Variants in RASGEF1A observed in about 807,000 individuals in gnomAD.
RASGEF1A encodes the protein RasGEF domain family member 1A, also known as ras-GEF domain-containing family member 1A.
Under a neutral mutation model 56.4 loss-of-function variants are expected in RASGEF1A, and 18 were observed. The ratio of observed to expected loss-of-function variants is 0.32; its 90% confidence interval spans 0.22 to 0.47. RASGEF1A has a LOEUF of 0.47. Ranked by LOEUF, RASGEF1A falls within the 20% of genes least tolerant of loss-of-function variation. RASGEF1A has a pLI of 1.00. For missense variants in RASGEF1A, 422 were observed against 627.1 expected (o/e 0.67, Z 3.49); for synonymous variants, 245 against 242.6 (o/e 1.01, Z -0.09).
At chr10:43,251,717 C>T (rs951212534) in intron 1 of RASGEF1A, among the ~76,000 whole-genome samples, 18 of 152,270 alleles carry the variant, frequency 1.2e-4, no homozygotes, top group African/African-American at 3.9e-4. Context: ...CCTGTCCAGA[C>T]GGTTGGGAAT....
chr10:43,199,147 A>G lies in RASGEF1A; in HGVS notation c.897T>C (p.Asp299=), dbSNP rs1839850822. The part of the protein sequence containing the change: ...HRTRMLEFFI[D]VARECFNIGN... ...CGATGTTGAAGCACTCCCGGGCCACATCAATGAAGAACTCCAACATGCGGG... is the reference window on the plus strand; with the variant it reads ...CGATGTTGAAGCACTCCCGGGCCACGTCAATGAAGAACTCCAACATGCGGG... The change falls in exon 8 of 13, where the codon GAT becomes GAC. Residue 299 remains aspartate, a synonymous_variant. Coordinates refer to ENST00000395810, the MANE Select transcript of RASGEF1A (RefSeq NM_145313.4). The G allele has an allele frequency of 1.2e-6, 2 of 1,613,738 alleles. No individual in the cohort carries two copies. Among genetic ancestry groups the G allele is most frequent in the Non-Finnish European group, 1.7e-6 (2 of 1,180,008 alleles).
At chr10:43,204,453 C>T (rs1839964094) in intron 2 of RASGEF1A, among the ~76,000 whole-genome samples, 1 of 152,192 alleles carries the variant, frequency 6.6e-6, no homozygotes. Flanking sequence ...TGCAGCATGG[C>T]GAATTGAGGG....
rs145709678 is a variant in RASGEF1A, at chr10:43,215,425, G to A, written c.-6-9303C>T. On this transcript the variant is annotated intron_variant, in intron 1 of 12. Transcript: ENST00000395810. ...CATCTCGCCTGTCTCCCCTCTCTTGGCTGGCAGGGAGAGCGTGCTCCTGGA... is the reference window on the plus strand; with the variant it reads ...CATCTCGCCTGTCTCCCCTCTCTTGACTGGCAGGGAGAGCGTGCTCCTGGA... Among the ~76,000 whole-genome samples, 1,406 of 152,328 alleles carry A rather than the reference G, an allele frequency of 9.2e-3. 10 individuals carry two copies. The highest frequency in any genetic ancestry group is 0.015 in the Non-Finnish European group (1,007 of 68,024).
chr10:43,207,622 C>T, intron 1 of RASGEF1A: 1 of 985,600 alleles, frequency 1.0e-6, no homozygotes. Flanking sequence ...CCCCCAGGCT[C>T]AGTGCTGCCC....
Position 43,209,692 on chromosome 10 carries a change from C to A in RASGEF1A, c.-6-3570G>T, listed in dbSNP as rs536026994. Among the ~76,000 whole-genome samples the A allele has an allele frequency of 2.1e-3, 318 of 151,942 alleles. 6 individuals carry two copies. The highest frequency in any genetic ancestry group is 1.7e-3 in the East Asian group (9 of 5,156). ...TGGAGAGCTCAGGAAGCCCCCCCACCAGGGCTAGGCAGAGATAGGGCTGTG... is the reference window on the plus strand; with the variant it reads ...TGGAGAGCTCAGGAAGCCCCCCCACAAGGGCTAGGCAGAGATAGGGCTGTG... On this transcript the variant is annotated intron_variant, in intron 1 of 12. Transcript: ENST00000395810.
intron 1 of RASGEF1A, among the ~76,000 whole-genome samples, chr10:43,256,027 G>GC (rs1285296033): frequency 1.1e-4 from 17 of 152,162 alleles, no homozygotes; most frequent in Admixed American, 1.1e-3. Context: ...GCTCTCTCCT[G>GC]CCCCCTAGAG....
chr10:43,238,863 A>G (rs1840469804), intron 1 of RASGEF1A, among the ~76,000 whole-genome samples: 1 of 152,224 alleles, frequency 6.6e-6, no homozygotes, highest in Admixed American at 6.5e-5. Flanking sequence ...CCTGATATCA[A>G]ATGGAAATGA....
At chr10:43,239,515 A>G (rs955031591) in intron 1 of RASGEF1A, among the ~76,000 whole-genome samples, 1 of 152,236 alleles carries the variant, frequency 6.6e-6, no homozygotes, top group African/African-American at 2.4e-5. Context: ...CAGAAATCTT[A>G]GGAGGATTTA....
At chr10:43,218,094 C>T (rs563859556) in intron 1 of RASGEF1A, among the ~76,000 whole-genome samples, 3 of 152,340 alleles carry the variant, frequency 2.0e-5, no homozygotes, top group African/African-American at 4.8e-5. Context: ...CCCAGGCGAC[C>T]GTGAGCACTA....
chr10:43,225,609 ATC>A (rs1232412306), intron 1 of RASGEF1A, among the ~76,000 whole-genome samples: 1 of 149,174 alleles, frequency 6.7e-6, no homozygotes, highest in African/African-American at 2.5e-5. Flanking sequence ...GTGTCCACGG[ATC>A]TCTCAGCTCT....
intron 1 of RASGEF1A, among the ~76,000 whole-genome samples, chr10:43,223,030 T>G (rs942835662): frequency 1.3e-5 from 2 of 151,714 alleles, no homozygotes; most frequent in African/African-American, 4.8e-5. Flanking sequence ...CTATTAGAGG[T>G]AAACTCCCAA....
intron 1 of RASGEF1A, among the ~76,000 whole-genome samples, chr10:43,241,827 G>T (rs1840505088): frequency 6.6e-6 from 1 of 152,070 alleles, no homozygotes; most frequent in African/African-American, 2.4e-5. Flanking sequence ...TTAGAGAGAA[G>T]AACACAAATA....
chr10:43,205,434 TGACAGGGCAGGGCAGGCCG>T (rs1319194700), intron 2 of RASGEF1A, among the ~76,000 whole-genome samples: 3 of 152,152 alleles, frequency 2.0e-5, no homozygotes, highest in Non-Finnish European at 4.4e-5. Flanking sequence ...AGTGCTCTGC[TGACAGGGCAGGGCAGGCCG>T]GGCCATCTCC....
intron 1 of RASGEF1A, among the ~76,000 whole-genome samples, chr10:43,212,683 C>T (rs1260610643): frequency 6.6e-6 from 1 of 152,258 alleles, no homozygotes; most frequent in African/African-American, 2.4e-5. Context: ...GTGAACACTG[C>T]TCCTGGGGCT....
Position 43,200,186 on chromosome 10 carries a change from T to C in RASGEF1A, c.752A>G (p.His251Arg). The C allele has an allele frequency of 6.3e-7, 1 of 1,599,114 alleles. No individual in the cohort carries two copies. The highest frequency in any genetic ancestry group is 8.5e-7 in the Non-Finnish European group (1 of 1,171,840). ...CACAGGCCTTGGCCCACTTACCCTG[T>C]GGTTGTCCAAGGAGTCCATGTGGCT... ...IVSHMDSLDN[H>R]RCRGDLTKTY... The change falls in exon 6 of 13, where the codon CAC (histidine) becomes CGC (arginine). Residue 251 changes from histidine (H) to arginine (R), a missense_variant. Around this residue, in one of 2 missense-constraint regions of RASGEF1A, gnomAD observed 273 missense variants for 339.9 expected, o/e 0.80. Transcript: ENST00000395810.
At chr10:43,244,645 A>G (rs1840550284) in intron 1 of RASGEF1A, among the ~76,000 whole-genome samples, 1 of 138,956 alleles carries the variant, frequency 7.2e-6, no homozygotes, top group South Asian at 2.5e-4. Flanking sequence ...GGCAAAAACA[A>G]TCTGGGAAAT....
intron 5 of RASGEF1A, 46 bp from the exon 6 acceptor site, chr10:43,200,302 G>C (rs2133180702): frequency 6.6e-7 from 1 of 1,514,420 alleles, no homozygotes; most frequent in East Asian, 2.4e-5. Flanking sequence ...TTCCCCTGGA[G>C]AAGGGACAGC....
intron 2 of RASGEF1A, 85 bp downstream of exon 2, chr10:43,205,834 T>C: frequency 8.7e-7 from 1 of 1,150,186 alleles, no homozygotes; most frequent in South Asian, 1.4e-5. Flanking sequence ...TCTACCACTC[T>C]GTGGGGGCCT....
chr10:43,239,071 C>T lies in RASGEF1A; in HGVS notation c.-7+27774G>A, dbSNP rs115846747. The stretch of plus-strand genomic sequence containing the variant: ...CTTTACTTGCCCCAGACACCTGCAG[C>T]TCCCTGGAGAGAGCCCCTCAGCTCC... On this transcript the variant is annotated intron_variant, in intron 1 of 12. Transcript: ENST00000395810. 6.4e-4 allele frequency among the ~76,000 whole-genome samples: 98 copies of T among 152,314 alleles called. 1 individual carries two copies. The highest frequency in any genetic ancestry group is 3.4e-3 in the Middle Eastern group (1 of 292).
Sources: gnomAD v4.1 joint callset for allele counts (sites outside exome capture counted in the v4.1 genomes callset) on GRCh38, gnomAD v4.1.1 for gene constraint, gnomAD v4.1.1 regional missense constraint, MANE v1.5 for transcripts, NCBI Gene and HGNC (gene_info 2026-07-23, HGNC 2026-07-21) for gene names.